The following IDNK variants were observed in gnomAD, a reference collection of about 807,000 sequenced individuals.
IDNK encodes the protein IDNK gluconokinase, also known as gluconokinase.
A neutral mutation model predicts 13.0 loss-of-function variants in IDNK; 9 were observed. The observed-to-expected ratio is 0.69, with a 90% CI of 0.42 to 1.21. The LOEUF is 1.21. IDNK is among the 50% of genes most tolerant of loss of function. IDNK has a pLI of 0.00. For missense variants in IDNK, 210 were observed against 237.8 expected (o/e 0.88, Z 0.77); for synonymous variants, 92 against 94.9 (o/e 0.97, Z 0.18).
chr9:83,631,845 T>G (rs751138200), intron 3 of IDNK, among the ~76,000 whole-genome samples: 4 of 152,122 alleles, frequency 2.6e-5, no homozygotes, highest in Admixed American at 6.5e-5. Flanking sequence ...AATAAAGAAT[T>G]TCAAAGCCAC....
At chr9:83,623,439 T>G in intron 1 of IDNK, 11 of 534,460 alleles carry the variant, frequency 2.1e-5, no homozygotes, top group East Asian at 3.9e-5. Context: ...GAGCTCCGGG[T>G]TCCCGCTCTA....
At chr9:83,635,630 C>T (rs974873168) in intron 3 of IDNK, among the ~76,000 whole-genome samples, 2 of 152,218 alleles carry the variant, frequency 1.3e-5, no homozygotes, top group Non-Finnish European at 2.9e-5. Flanking sequence ...CTAACTCCTT[C>T]GCATGACCTT....
At chr9:83,641,485 T>C in intron 3 of IDNK, 63 bp from the exon 4 acceptor site, 2 of 1,568,828 alleles carry the variant, frequency 1.3e-6, no homozygotes, top group Non-Finnish European at 1.8e-6. Flanking sequence ...ACTGTTTCTC[T>C]ACAAACAAAC....
intron 1 of IDNK, 101 bp downstream of exon 1, chr9:83,623,322 A>T (rs1161117017): frequency 1.9e-6 from 2 of 1,068,026 alleles, no homozygotes; most frequent in Non-Finnish European, 2.5e-6. Flanking sequence ...GGTCTTGGGG[A>T]CCCCCCACCC....
chr9:83,636,529 C>T (rs1831170363), intron 3 of IDNK, among the ~76,000 whole-genome samples: 2 of 152,138 alleles, frequency 1.3e-5, no homozygotes, highest in South Asian at 2.1e-4. Context: ...GTGTCCAGAA[C>T]ATCTAGTTTT....
intron 1 of IDNK, chr9:83,627,909 G>T (rs1830904382): frequency 7.0e-5 from 38 of 539,096 alleles, no homozygotes; most frequent in Non-Finnish European, 7.8e-5. Flanking sequence ...ACTGATTACT[G>T]AAGAAAAAAC....
At chr9:83,626,749 C>T in intron 1 of IDNK, 1 of 1,218,708 alleles carries the variant, frequency 8.2e-7, no homozygotes, top group South Asian at 1.4e-5. Context: ...CTGCTATGCA[C>T]ACTTCTGGCT....
chr9:83,624,807 G>A (rs958219668), intron 1 of IDNK, among the ~76,000 whole-genome samples: 7 of 151,988 alleles, frequency 4.6e-5, no homozygotes, highest in East Asian at 1.9e-4. Flanking sequence ...TCCTCCTCCC[G>A]GGTTCAAGCA....
At chr9:83,631,667 G>T (rs752349312) in intron 3 of IDNK, among the ~76,000 whole-genome samples, 250 of 151,992 alleles carry the variant, frequency 1.6e-3, no homozygotes, top group Non-Finnish European at 2.8e-3. Flanking sequence ...TAGTCCCTGG[G>T]TTATACCAGC....
intron 3 of IDNK, among the ~76,000 whole-genome samples, chr9:83,640,453 C>T (rs1831273383): frequency 6.6e-6 from 1 of 152,194 alleles, no homozygotes; most frequent in Admixed American, 6.5e-5. Context: ...CATCATGTTT[C>T]TGGAATCAGC....
intron 3 of IDNK, among the ~76,000 whole-genome samples, chr9:83,632,399 T>TG (rs1163714035): frequency 6.6e-6 from 1 of 152,092 alleles, no homozygotes; most frequent in Non-Finnish European, 1.5e-5. Context: ...CTCCGAGCAC[T>TG]GGGCTGGGAG....
At chr9:83,625,706 T>C (rs1470892231) in intron 1 of IDNK, among the ~76,000 whole-genome samples, 1 of 152,192 alleles carries the variant, frequency 6.6e-6, no homozygotes, top group African/African-American at 2.4e-5. Context: ...GAAAAATATT[T>C]ATCACAGCCT....
chr9:83,631,760 C>G (rs528261560), intron 3 of IDNK, among the ~76,000 whole-genome samples: 1 of 152,210 alleles, frequency 6.6e-6, no homozygotes, highest in African/African-American at 2.4e-5. Context: ...TTGCAGAAAG[C>G]TGTGTTGGAC....
intron 3 of IDNK, among the ~76,000 whole-genome samples, chr9:83,632,767 C>T (rs994614534): frequency 3.3e-5 from 5 of 152,112 alleles, no homozygotes; most frequent in African/African-American, 7.2e-5. Flanking sequence ...TCTAAAACTT[C>T]TGTGTGTTTG....
At chr9:83,628,337 T>C (rs1207780832) in intron 2 of IDNK, 126 bp downstream of exon 2, 10 of 858,612 alleles carry the variant, frequency 1.2e-5, no homozygotes, top group East Asian at 2.7e-5. Flanking sequence ...TGGAGCAATT[T>C]TGTTTTTCTC....
intron 3 of IDNK, among the ~76,000 whole-genome samples, chr9:83,639,124 T>C (rs1214116275): frequency 1.3e-5 from 2 of 152,120 alleles, no homozygotes; most frequent in African/African-American, 2.4e-5. Context: ...TGTAAATCAA[T>C]AATAAAAATG....
intron 3 of IDNK, among the ~76,000 whole-genome samples, chr9:83,637,759 G>C (rs1831203135): frequency 6.6e-6 from 1 of 152,216 alleles, no homozygotes; most frequent in Non-Finnish European, 1.5e-5. Context: ...TTGTAAGCCT[G>C]TATGAAGCAT....
chr9:83,637,572 G>A (rs2131632366), intron 3 of IDNK, among the ~76,000 whole-genome samples: 1 of 152,300 alleles, frequency 6.6e-6, no homozygotes, highest in South Asian at 2.1e-4. Flanking sequence ...AAGATCAAAG[G>A]AAAATAAAAA....
At position 83,643,785 on chromosome 9, in the gene IDNK, G is replaced by T; in HGVS notation, c.*5G>T. 6.3e-7 allele frequency: 1 copy of T among 1,588,376 alleles called. No homozygotes were observed. The highest frequency in any genetic ancestry group is 1.1e-5 in the South Asian group (1 of 89,696). On this transcript the variant is annotated 3_prime_UTR_variant, in exon 5 of 5. Coordinates refer to ENST00000376419, the MANE Select transcript of IDNK (RefSeq NM_001001551.4). ...GAAACCCTAAAAATGAAATGACAAT[G>T]ATTTTGTATCAGTGGTCCAAACAGA...
Sources: gnomAD v4.1 joint callset for allele counts (sites outside exome capture counted in the v4.1 genomes callset) on GRCh38, gnomAD v4.1.1 for gene constraint, MANE v1.5 for transcripts, NCBI Gene and HGNC (gene_info 2026-07-23, HGNC 2026-07-21) for gene names.